RBP7: variants seen among roughly 807,000 people sequenced by gnomAD.
The protein encoded by RBP7 is retinoid-binding protein 7.
RBP7 carries 13 observed loss-of-function variants against 16.7 expected under a neutral mutation model. The observed-to-expected ratio is 0.78, with a 90% CI of 0.51 to 1.24. The LOEUF (loss-of-function observed/expected upper bound fraction) is 1.24. Among genes scored for constraint, RBP7 ranks in the 50% most tolerant of loss-of-function variants. RBP7 has a pLI of 0.00. For missense variants in RBP7, 145 were observed against 159.5 expected (o/e 0.91, Z 0.49); for synonymous variants, 54 against 56.2 (o/e 0.96, Z 0.17).
intron 3 of RBP7, among the ~76,000 whole-genome samples, chr1:10,008,541 A>T (rs941825125): frequency 6.6e-6 from 1 of 151,436 alleles, no homozygotes; most frequent in African/African-American, 2.4e-5. Flanking sequence ...CCTGGGTCCA[A>T]GCGATTCTCC....
intron 1 of RBP7, among the ~76,000 whole-genome samples, chr1:10,000,963 T>G (rs1212086183): frequency 6.6e-6 from 1 of 152,172 alleles, no homozygotes; most frequent in Admixed American, 6.6e-5. Flanking sequence ...CTTGAACTCC[T>G]GACCTCGTGA....
rs1642193777 is a variant in RBP7 at position 9,997,416 on chromosome 1, T to C, written c.73+85T>C. 2 of 1,330,698 alleles carry C rather than the reference T, an allele frequency of 1.5e-6. No individual in the cohort carries two copies. Among genetic ancestry groups the C allele is most frequent in the Non-Finnish European group, 2.1e-6 (2 of 935,666 alleles). The allele number at this position is 1,330,698 out of a possible 1,614,324, so 82.4% of individuals were successfully genotyped here. On this transcript the variant is annotated intron_variant, in intron 1 of 3. Transcript: ENST00000294435. The surrounding 1 kb of genome is among the most constrained non-coding windows in gnomAD (Gnocchi z 5.9). ...AAGGCGGCCGGGCCGGGCCTGTAGG[T>C]ACGTCCTCTGTCCGTGCCTCCGCCC...
At position 10,015,900 on chromosome 1, in the gene RBP7, GACGTTTATCT is replaced by G; in HGVS notation, c.*70_*79del. 6.9e-7 allele frequency: 1 copy of G among 1,454,480 alleles called. No individual in the cohort carries two copies. The highest frequency in any genetic ancestry group is 9.6e-7 in the Non-Finnish European group (1 of 1,036,818). The allele number at this position is 1,454,480 out of a possible 1,614,324, so 90.1% of individuals were successfully genotyped here. On this transcript the variant is annotated 3_prime_UTR_variant, in exon 4 of 4. Coordinates refer to ENST00000294435, the MANE Select transcript of RBP7 (RefSeq NM_052960.3). ...GCCAAATTATATTGCAGACTGAACA[GACGTTTATCT>G]ATCCCATTTGGCGACGAGGACTCGT...
At chr1:10,003,245 G>A (rs1642329243) in intron 1 of RBP7, among the ~76,000 whole-genome samples, 4 of 152,146 alleles carry the variant, frequency 2.6e-5, no homozygotes, top group Admixed American at 2.6e-4. Flanking sequence ...TGGCCAACAT[G>A]GTGAAACCCA....
At chr1:10,012,954 A>G (rs1642668556) in intron 3 of RBP7, among the ~76,000 whole-genome samples, 1 of 151,730 alleles carries the variant, frequency 6.6e-6, no homozygotes. Context: ...AAAAAAAAAA[A>G]AAAAAGAGAA....
chr1:10,007,658 G>T lies in RBP7; in HGVS notation c.162G>T (p.Thr54=). ...ATGGGGATTCTTTTACCATCCACAC[G>T]AACAGCAGCCTAAGGAACTACTTTG... The part of the protein sequence containing the change: ...EQNGDSFTIH[T]NSSLRNYFVK... The change falls in exon 2 of 4, where the codon ACG becomes ACT. Residue 54 remains threonine (T), a synonymous_variant. Coordinates refer to ENST00000294435, the MANE Select transcript of RBP7 (RefSeq NM_052960.3). The T allele has an allele frequency of 6.2e-7, 1 of 1,613,922 alleles. No homozygotes were observed.
chr1:10,001,756 T>C (rs1276029243), intron 1 of RBP7, among the ~76,000 whole-genome samples: 1 of 152,168 alleles, frequency 6.6e-6, no homozygotes, highest in Non-Finnish European at 1.5e-5. Flanking sequence ...GTGGTGTTAC[T>C]AACTTGTCCC....
chr1:10,008,804 T>C (rs1486675000), intron 3 of RBP7, among the ~76,000 whole-genome samples: 1 of 151,988 alleles, frequency 6.6e-6, no homozygotes, highest in Non-Finnish European at 1.5e-5. Flanking sequence ...CTCACTCTCA[T>C]CTTATATTAA....
At chr1:10,012,939 CAAAA>C (rs760583223) in intron 3 of RBP7, among the ~76,000 whole-genome samples, 6 of 71,362 alleles carry the variant, frequency 8.4e-5, no homozygotes, top group African/African-American at 2.8e-4. Context: ...GAAACTGTCT[CAAAA>C]AAAAAAAAAA....
chr1:10,004,745 G>A (rs747374261), intron 1 of RBP7, among the ~76,000 whole-genome samples: 22 of 152,174 alleles, frequency 1.4e-4, no homozygotes, highest in Non-Finnish European at 2.8e-4. Context: ...TAGGGTTTAA[G>A]GAAAGTCAGC....
chr1:10,010,544 GT>G (rs1340054596), intron 3 of RBP7, among the ~76,000 whole-genome samples: 3 of 150,976 alleles, frequency 2.0e-5, no homozygotes, highest in African/African-American at 7.3e-5. Flanking sequence ...AGCCTCCCAA[GT>G]AGCTGGGATT....
intron 1 of RBP7, among the ~76,000 whole-genome samples, chr1:10,006,371 A>G (rs572672914): frequency 2.0e-5 from 3 of 152,118 alleles, no homozygotes; most frequent in Admixed American, 6.6e-5. Context: ...ATTTCCAGGC[A>G]TGGTGGCATG....
intron 1 of RBP7, among the ~76,000 whole-genome samples, chr1:10,002,610 C>T (rs1642308569): frequency 6.6e-6 from 1 of 152,082 alleles, no homozygotes; most frequent in Admixed American, 6.6e-5. Context: ...AGCGATCCTC[C>T]CACCTCAGCC....
At chr1:9,998,028 C>T (rs1455354865) in intron 1 of RBP7, among the ~76,000 whole-genome samples, 2 of 152,220 alleles carry the variant, frequency 1.3e-5, no homozygotes, top group African/African-American at 4.8e-5. Context: ...TTCCCGCCCT[C>T]ATCGCGGTGC....
chr1:10,009,572 C>A (rs977356666), intron 3 of RBP7, among the ~76,000 whole-genome samples: 5 of 150,672 alleles, frequency 3.3e-5, no homozygotes, highest in African/African-American at 1.2e-4. Context: ...CCCAGTGTCA[C>A]CCACGCTGGA....
intron 3 of RBP7, among the ~76,000 whole-genome samples, chr1:10,013,161 C>T (rs550870644): frequency 5.3e-5 from 8 of 151,148 alleles, no homozygotes; most frequent in African/African-American, 1.9e-4. Flanking sequence ...TAACCTCCTC[C>T]TCCTGGGTTC....
chr1:10,012,755 G>A (rs1642662759), intron 3 of RBP7, among the ~76,000 whole-genome samples: 2 of 151,546 alleles, frequency 1.3e-5, no homozygotes, highest in Admixed American at 1.3e-4. Flanking sequence ...CCAGCATGGC[G>A]AAACCCCGTC....
chr1:10,007,885 G>GAAAAA lies in RBP7; in HGVS notation c.252+140_252+144dup, dbSNP rs1004185637. On this transcript the variant is annotated intron_variant, in intron 2 of 3. Transcript: ENST00000294435. ...AACACGGCAAAACCCTGTCTCTACA[G>GAAAAA]AAAAAAATTCAAAAAGTAGGGGGGC... 5.0e-6 allele frequency: 4 copies of GAAAAA among 806,154 alleles called. No individual in the cohort carries two copies. The Admixed American group carries it at 1.2e-4, about 24-fold the overall frequency. The allele number at this position is 806,154 out of a possible 1,614,324, so 49.9% of individuals were successfully genotyped here. A position where few individuals can be genotyped will look rare whatever the true frequency, so the allele number is the denominator to read the frequency against.
rs113919730 is a variant in RBP7 at position 10,005,075 on chromosome 1, G to T, written c.74-2495G>T. On this transcript the variant is annotated intron_variant, in intron 1 of 3. Coordinates refer to ENST00000294435, the MANE Select transcript of RBP7 (RefSeq NM_052960.3). ...TTAAATATTGTTGAAAACCAGTAAA[G>T]CCTGGATCATATTGCATCTCAAACT... 6.8e-3 allele frequency among the ~76,000 whole-genome samples: 1,038 copies of T among 152,270 alleles called. 15 individuals are homozygous for T. The highest frequency in any genetic ancestry group is 0.024 in the African/African-American group (983 of 41,582).
Sources: gnomAD v4.1 joint callset for allele counts (sites outside exome capture counted in the v4.1 genomes callset) on GRCh38, gnomAD v4.1.1 for gene constraint, Gnocchi (gnomAD v3.1) non-coding constraint, MANE v1.5 for transcripts, NCBI Gene and HGNC (gene_info 2026-07-23, HGNC 2026-07-21) for gene names.